The following AFDN variants were observed in gnomAD, a reference collection of about 807,000 sequenced individuals.
The protein encoded by AFDN is afadin.
AFDN carries 68 observed loss-of-function variants against 216.6 expected under a neutral mutation model. The ratio of observed to expected loss-of-function variants is 0.31; its 90% CI spans 0.26 to 0.38. AFDN has a LOEUF of 0.38. Among genes scored for constraint, AFDN ranks in the 10% least tolerant of loss-of-function variants. AFDN has a pLI of 1.00. For synonymous variants in AFDN, 868 were observed against 853.7 expected, an observed-to-expected ratio of 1.02 and a Z score of -0.29; for missense variants, 2,136 against 2,342.0, an observed-to-expected ratio of 0.91 and a Z score of 1.82.
At chr6:167,859,182 A>G (rs1783253997) in intron 1 of AFDN, among the ~76,000 whole-genome samples, 1 of 149,664 alleles carries the variant, frequency 6.7e-6, no homozygotes, top group South Asian at 2.1e-4. Context: ...TTGAAGTATT[A>G]GGATTTAAAA....
At position 167,880,368 on chromosome 6, in the gene AFDN, T is replaced by C. The variant is rs767717247; in HGVS notation, c.748T>C (p.Leu250=). 6.2e-7 allele frequency: 1 copy of C among 1,611,600 alleles called. No homozygotes were observed. The change falls in exon 6 of 34, where the codon TTG becomes CTG. Residue 250 remains leucine (L), a synonymous_variant. Transcript: ENST00000683244. The part of the protein sequence containing the change: ...SDGRPDSGGT[L]RIYADSLKPN... The stretch of plus-strand genomic sequence containing the variant: ...TCAAAATGTTTTTTCAGGTGGAACA[T>C]TGAGAATTTATGCAGATAGTTTAAA...
At chr6:167,969,636 C>T in intron 33 of AFDN, 146 bp from the exon 34 acceptor site, 3 of 718,174 alleles carry the variant, frequency 4.2e-6, no homozygotes, top group South Asian at 4.5e-5. Context: ...AATACAGCCC[C>T]TGTGATTTCG....
At chr6:167,914,512 G>GT in intron 17 of AFDN, 132 bp from the exon 18 acceptor site, 1 of 909,542 alleles carries the variant, frequency 1.1e-6, no homozygotes, top group Non-Finnish European at 1.6e-6. Context: ...AGTGAGCTAT[G>GT]TTTCAAGATT....
rs1795926377 is a variant in AFDN, at chr6:167,951,108, C to G, written c.3832-78C>G. The G allele has an allele frequency of 6.8e-7, 1 of 1,467,130 alleles. No individual in the cohort carries two copies. The highest frequency in any genetic ancestry group is 1.4e-5 in the African/African-American group (1 of 70,260). The allele number at this position is 1,467,130 out of a possible 1,614,324, so 90.9% of individuals were successfully genotyped here. ...ACTGATTTAACAGTTTTTCTTCTGT[C>G]TGAAGATAAAATGTTTGTGGATATT... is the stretch of plus-strand genomic sequence containing the variant. On this transcript the variant is annotated intron_variant, in intron 29 of 33. Coordinates refer to ENST00000683244, the MANE Select transcript of AFDN (RefSeq NM_001386888.1). This position sits in a 1 kb window ranked among gnomAD's most constrained non-coding sequence, Gnocchi z 7.1.
chr6:167,927,177 A>T (rs139206083), intron 23 of AFDN, among the ~76,000 whole-genome samples: 65 of 152,288 alleles, frequency 4.3e-4, no homozygotes, highest in Non-Finnish European at 7.4e-4. Context: ...GAAATTAAGA[A>T]GATGAATGGG....
chr6:167,870,286 C>CT (rs1784652118), intron 2 of AFDN, 100 bp from the exon 3 acceptor site: 1 of 673,398 alleles, frequency 1.5e-6, no homozygotes, highest in African/African-American at 1.8e-5. Flanking sequence ...CAAGTAGGTG[C>CT]TTTGTCTATA....
chr6:167,919,674 TTA>T (rs1257420667), intron 21 of AFDN, among the ~76,000 whole-genome samples: 1 of 152,274 alleles, frequency 6.6e-6, no homozygotes, highest in East Asian at 1.9e-4. Flanking sequence ...CTGGATTTTA[TTA>T]TGTCACTTTT....
intron 1 of AFDN, among the ~76,000 whole-genome samples, chr6:167,843,706 T>TA (rs1255924562): frequency 3.3e-5 from 5 of 151,528 alleles, no homozygotes; most frequent in African/African-American, 7.3e-5. Context: ...TAGGATAACT[T>TA]ACAGCAAAAA....
chr6:167,841,293 T>G (rs1192739921), intron 1 of AFDN, among the ~76,000 whole-genome samples: 23 of 152,134 alleles, frequency 1.5e-4, no homozygotes, highest in Admixed American at 1.5e-3. Flanking sequence ...ACATAGGCAC[T>G]TAGGAAGAGA....
At chr6:167,843,959 C>T (rs2128139084) in intron 1 of AFDN, among the ~76,000 whole-genome samples, 1 of 152,152 alleles carries the variant, frequency 6.6e-6, no homozygotes, top group East Asian at 1.9e-4. Flanking sequence ...CTGTTTTACT[C>T]AAAGGGAAAC....
In AFDN at chr6:167,872,363, C is replaced by T. The variant is rs1192703368; in HGVS notation, c.564C>T (p.Phe188=). ...RQASDKDDRP[F]QGEDVENSRL... ...CATCTGATAAAGATGATAGACCTTTCCAAGGGGAGGATGTGTAAGTCAGTT... is the reference window on the plus strand; with the variant it reads ...CATCTGATAAAGATGATAGACCTTTTCAAGGGGAGGATGTGTAAGTCAGTT... Residue 188 remains phenylalanine, a synonymous_variant, in exon 4 of 34, where the codon TTC becomes TTT. Transcript: ENST00000683244. 1 of 1,609,212 alleles carries T rather than the reference C, an allele frequency of 6.2e-7. No homozygotes were observed. The highest frequency in any genetic ancestry group is 2.2e-5 in the East Asian group (1 of 44,828).
chr6:167,842,793 C>T (rs1294807688), intron 1 of AFDN, among the ~76,000 whole-genome samples: 1 of 152,140 alleles, frequency 6.6e-6, no homozygotes, highest in Non-Finnish European at 1.5e-5. Context: ...TTTAGATTGG[C>T]AGTCAATTGA....
intron 4 of AFDN, among the ~76,000 whole-genome samples, chr6:167,874,701 C>T (rs908575659): frequency 2.6e-5 from 4 of 151,016 alleles, no homozygotes; most frequent in East Asian, 1.9e-4. Flanking sequence ...CTGCAACCTC[C>T]GCCTCCTGAG....
intron 15 of AFDN, among the ~76,000 whole-genome samples, chr6:167,913,055 C>T (rs1401917314): frequency 1.3e-5 from 2 of 152,018 alleles, no homozygotes; most frequent in Non-Finnish European, 2.9e-5. Flanking sequence ...GTAAGCACAC[C>T]ATATCACTGA....
At chr6:167,945,241 A>G (rs1398841794) in intron 26 of AFDN, among the ~76,000 whole-genome samples, 3 of 151,948 alleles carry the variant, frequency 2.0e-5, no homozygotes. Context: ...CGGCCTGCAC[A>G]GGGTCAGGAT....
intron 1 of AFDN, among the ~76,000 whole-genome samples, chr6:167,837,326 A>G (rs1780557737): frequency 6.6e-6 from 1 of 151,918 alleles, no homozygotes. Context: ...ACAAACAGAA[A>G]TGAAGGTAAC....
At chr6:167,858,367 T>C (rs1387602839) in intron 1 of AFDN, among the ~76,000 whole-genome samples, 1 of 152,246 alleles carries the variant, frequency 6.6e-6, no homozygotes, top group African/African-American at 2.4e-5. Context: ...GAATTTTGTT[T>C]TATTTATAAC....
At chr6:167,870,540 C>T (rs753945926) in intron 3 of AFDN, 42 bp downstream of exon 3, 1 of 1,241,134 alleles carries the variant, frequency 8.1e-7, no homozygotes, top group Admixed American at 1.9e-5. Context: ...GGTCCAGGGC[C>T]AGGTCTGACT....
chr6:167,924,974 C>G, intron 22 of AFDN, 31 bp from the exon 23 acceptor site: 2 of 1,497,166 alleles, frequency 1.3e-6, no homozygotes, highest in Non-Finnish European at 1.9e-6. Flanking sequence ...CCATTTCAGT[C>G]ATAAAATAAA....
Sources: allele counts gnomAD v4.1 joint callset (sites outside exome capture counted in the v4.1 genomes callset), GRCh38; gene constraint gnomAD v4.1.1; non-coding constraint Gnocchi (gnomAD v3.1); transcripts MANE v1.5; gene names NCBI Gene and HGNC (gene_info 2026-07-23, HGNC 2026-07-21).